Variants in GALNT3 observed in about 807,000 individuals in gnomAD.
The protein encoded by GALNT3 is GalNAc transferase 3.
GALNT3 carries 51 observed loss-of-function variants against 69.8 expected under a neutral mutation model. That is an observed-to-expected ratio of 0.73 (90% CI 0.58 to 0.92). The LOEUF (loss-of-function observed/expected upper bound fraction) is 0.92. Among genes scored for constraint, GALNT3 ranks in the 40% least tolerant of loss-of-function variants. The probability of loss-of-function intolerance (pLI) is 0.00; values close to 1 mark genes in which losing one functional copy is unlikely to be tolerated. For missense variants in GALNT3, 711 were observed against 760.0 expected, an observed-to-expected ratio of 0.94 and a Z score of 0.76; for synonymous variants, 265 against 248.5, an observed-to-expected ratio of 1.07 and a Z score of -0.63.
intron 2 of GALNT3, among the ~76,000 whole-genome samples, chr2:165,767,005 G>A (rs1387397532): frequency 1.3e-5 from 2 of 152,096 alleles, no homozygotes; most frequent in African/African-American, 4.8e-5. Context: ...GCATGATACA[G>A]GTGCATGGGC....
At chr2:165,763,993 A>T (rs1318384352) in intron 3 of GALNT3, among the ~76,000 whole-genome samples, 5 of 152,220 alleles carry the variant, frequency 3.3e-5, no homozygotes, top group African/African-American at 1.2e-4. Flanking sequence ...GACCTTCAGG[A>T]ATCTAACTCC....
In GALNT3 at chr2:165,780,640, G is replaced by GTTT. The variant is rs1413122574; in HGVS notation, c.-108-9833_-108-9832insAAA. On this transcript the variant is annotated intron_variant, in intron 1 of 10. Transcript: ENST00000392701. Reference sequence around the variant, plus strand: ...ATTCATCTGCAAATCAGGTTTGAGGGGTTTTTTTGTTGTTGTTGTTGTTGT... The same window carrying GTTT: ...ATTCATCTGCAAATCAGGTTTGAGGGTTTGTTTTTTTGTTGTTGTTGTTGTTGT... Among the ~76,000 whole-genome samples the GTTT allele has an allele frequency of 6.3e-3, 938 of 149,684 alleles. 8 individuals carry two copies. The highest frequency in any genetic ancestry group is 0.022 in the African/African-American group (882 of 40,518).
chr2:165,790,111 TAA>T (rs1683313003), intron 1 of GALNT3, among the ~76,000 whole-genome samples: 1 of 152,208 alleles, frequency 6.6e-6, no homozygotes, highest in South Asian at 2.1e-4. Flanking sequence ...GAACAAATGT[TAA>T]AGATGTCCAA....
At chr2:165,778,094 T>C (rs1364385729) in intron 1 of GALNT3, among the ~76,000 whole-genome samples, 1 of 152,208 alleles carries the variant, frequency 6.6e-6, no homozygotes, top group Non-Finnish European at 1.5e-5. Flanking sequence ...CAACTCTATC[T>C]TGACAGTTTG....
chr2:165,756,950 A>G (rs892067708), intron 7 of GALNT3, 97 bp downstream of exon 7: 4 of 958,548 alleles, frequency 4.2e-6, no homozygotes, highest in Middle Eastern at 2.9e-4. Context: ...CTACTTTCAA[A>G]TTTTTTGATG....
In GALNT3 at chr2:165,794,033, A is replaced by C. The variant is rs995901135; in HGVS notation, c.-127T>G. The C allele has an allele frequency of 2.6e-5, 4 of 152,464 alleles. No individual in the cohort carries two copies. Among genetic ancestry groups the C allele is most frequent in the Non-Finnish European group, 4.4e-5 (3 of 68,254 alleles). The allele number at this position is 152,464 out of a possible 1,614,324, so 9.4% of individuals were successfully genotyped here. ...GGCTTACCTGGCGGGTGGGCAGGGC[A>C]GGGTGGCGGGAAGCGGCGGCCGGGC... On this transcript the variant is annotated 5_prime_UTR_variant, in exon 1 of 11. Transcript: ENST00000392701.
chr2:165,768,616 T>C (rs1688690216), intron 2 of GALNT3, among the ~76,000 whole-genome samples: 1 of 152,192 alleles, frequency 6.6e-6, no homozygotes, highest in South Asian at 2.1e-4. Context: ...AGTTTCAATG[T>C]TAAGGGACTC....
chr2:165,773,580 T>TA (rs1688791808), intron 1 of GALNT3, among the ~76,000 whole-genome samples: 1 of 152,040 alleles, frequency 6.6e-6, no homozygotes, highest in Non-Finnish European at 1.5e-5. Flanking sequence ...ACATAGCAAA[T>TA]GTAATATGCT....
At chr2:165,782,125 C>G (rs1683123255) in intron 1 of GALNT3, among the ~76,000 whole-genome samples, 1 of 152,140 alleles carries the variant, frequency 6.6e-6, no homozygotes, top group African/African-American at 2.4e-5. Context: ...TATCACAAGT[C>G]TTATTTCAAA....
chr2:165,764,818 C>G, intron 3 of GALNT3, 66 bp downstream of exon 3: 3 of 1,526,088 alleles, frequency 2.0e-6, no homozygotes, highest in Non-Finnish European at 2.7e-6. Flanking sequence ...TACCACATAA[C>G]CAAGTAGACT....
At position 165,748,667 on chromosome 2, in the gene GALNT3, TG is replaced by T; in HGVS notation, c.*113del. 1.0e-6 allele frequency: 1 copy of T among 963,954 alleles called. No homozygotes were observed. Among genetic ancestry groups the T allele is most frequent in the Admixed American group, 2.3e-5 (1 of 44,192 alleles). The allele number at this position is 963,954 out of a possible 1,614,324, so 59.7% of individuals were successfully genotyped here. A position where few individuals can be genotyped will look rare whatever the true frequency, so the allele number is the denominator to read the frequency against. On this transcript the variant is annotated 3_prime_UTR_variant, in exon 11 of 11. Coordinates refer to ENST00000392701, the MANE Select transcript of GALNT3 (RefSeq NM_004482.4). ...AAGATATAAATAAGAAAAATGCACTTGGAATAAGTTACATTTAGCTGCTTTT... is the reference window on the plus strand; with the variant it reads ...AAGATATAAATAAGAAAAATGCACTTGAATAAGTTACATTTAGCTGCTTTT...
At chr2:165,749,694 A>G (rs1369380595) in intron 10 of GALNT3, 48 bp downstream of exon 10, 1 of 1,506,738 alleles carries the variant, frequency 6.6e-7, no homozygotes, top group Admixed American at 1.7e-5. Flanking sequence ...ATAAGCAAGT[A>G]GAGCTAAGAA....
At chr2:165,785,763 C>T (rs1054343943) in intron 1 of GALNT3, among the ~76,000 whole-genome samples, 8 of 152,078 alleles carry the variant, frequency 5.3e-5, no homozygotes, top group East Asian at 3.9e-4. Context: ...ACAACCACCA[C>T]GGAACAGGCC....
chr2:165,756,037 C>G (rs1275491062), intron 7 of GALNT3, among the ~76,000 whole-genome samples: 1 of 152,086 alleles, frequency 6.6e-6, no homozygotes, highest in Non-Finnish European at 1.5e-5. Context: ...CACAATCTGC[C>G]CAATTTGTCT....
chr2:165,767,268 G>GA (rs921947666), intron 2 of GALNT3, among the ~76,000 whole-genome samples: 34 of 144,680 alleles, frequency 2.4e-4, no homozygotes, highest in Non-Finnish European at 3.2e-4. Flanking sequence ...TATTTTTAAA[G>GA]AAAAAAAAAA....
Position 165,753,908 on chromosome 2 carries a change from A to T in GALNT3, c.1626+719T>A, listed in dbSNP as rs551093527. 6.6e-5 allele frequency among the ~76,000 whole-genome samples: 10 copies of T among 152,304 alleles called. No homozygotes were observed. In the South Asian group the frequency reaches 1.9e-3, roughly 28 times the overall value. The stretch of plus-strand genomic sequence containing the variant: ...TATAATGCTCTATTTTGTTATTAAC[A>T]CTTGATGTAATTTGTGATTCAATCC... On this transcript the variant is annotated intron_variant, in intron 9 of 10. Coordinates refer to ENST00000392701, the MANE Select transcript of GALNT3 (RefSeq NM_004482.4).
intron 3 of GALNT3, 102 bp from the exon 4 acceptor site, chr2:165,762,156 T>C (rs1688563310): frequency 1.1e-6 from 1 of 898,582 alleles, no homozygotes; most frequent in African/African-American, 1.7e-5. Context: ...TCCAAATTCA[T>C]AATCTTAACA....
chr2:165,778,186 T>A (rs1456583882), intron 1 of GALNT3, among the ~76,000 whole-genome samples: 1 of 152,224 alleles, frequency 6.6e-6, no homozygotes, highest in Admixed American at 6.5e-5. Context: ...TCCTGCCACA[T>A]CTACACCTGT....
chr2:165,770,356 A>G lies in GALNT3; in HGVS notation c.345T>C (p.Pro115=). The change falls in exon 2 of 11, where the codon CCT becomes CCC. Residue 115 remains proline, a synonymous_variant. Transcript: ENST00000392701. ...AAGCACCAGGTGCATTTGAATCCTGAGGTGGACGGTCAAGGACAGGCTTCA... is the reference window on the plus strand; with the variant it reads ...AAGCACCAGGTGCATTTGAATCCTGGGGTGGACGGTCAAGGACAGGCTTCA... The part of the protein sequence containing the change: ...AELKPVLDRP[P]QDSNAPGASG... 6.2e-7 allele frequency: 1 copy of G among 1,614,202 alleles called. No individual in the cohort carries two copies. The highest frequency in any genetic ancestry group is 8.5e-7 in the Non-Finnish European group (1 of 1,180,020).
Sources: allele counts gnomAD v4.1 joint callset (sites outside exome capture counted in the v4.1 genomes callset), GRCh38; gene constraint gnomAD v4.1.1; transcripts MANE v1.5; gene names NCBI Gene and HGNC (gene_info 2026-07-23, HGNC 2026-07-21).